EFCAB8: variants seen among roughly 807,000 people sequenced by gnomAD.
EFCAB8 encodes EF-hand calcium-binding domain-containing protein 8.
EFCAB8 carries 100 observed loss-of-function variants against 116.3 expected under a neutral mutation model. That is an observed-to-expected ratio of 0.86 (90% CI 0.73 to 1.02). The LOEUF (loss-of-function observed/expected upper bound fraction) is 1.02. Ranked by LOEUF, EFCAB8 falls within the 50% of genes least tolerant of loss-of-function variation. The pLI is 0.00. For missense variants in EFCAB8, 1,320 were observed against 1,416.9 expected, an observed-to-expected ratio of 0.93 and a Z score of 1.10; for synonymous variants, 558 against 567.9, an observed-to-expected ratio of 0.98 and a Z score of 0.25.
In EFCAB8 at chr20:32,930,583, C is replaced by A; in HGVS notation, c.2598C>A (p.Ile866=). 1 of 1,552,280 alleles carries A rather than the reference C, an allele frequency of 6.4e-7. No individual in the cohort carries two copies. Among genetic ancestry groups the A allele is most frequent in the Non-Finnish European group, 8.7e-7 (1 of 1,147,120 alleles). The stretch of plus-strand genomic sequence containing the variant: ...TGGCCACTGATAAAAATGACTGGAT[C>A]CTCATCACGGGGGATTGTAAAGGAT... ...GAMATDKNDW[I]LITGDCKGYI... The change falls in exon 21 of 27, where the codon ATC becomes ATA. Residue 866 remains isoleucine (I), a synonymous_variant. Coordinates refer to ENST00000400522, the MANE Select transcript of EFCAB8 (RefSeq NM_001143967.2).
Position 32,878,786 on chromosome 20 carries a change from T to G in EFCAB8, c.410T>G (p.Leu137Arg), listed in dbSNP as rs895921443. Residue 137 changes from leucine to arginine, a missense_variant, in exon 5 of 27, where the codon CTT becomes CGT. Coordinates refer to ENST00000400522, the MANE Select transcript of EFCAB8 (RefSeq NM_001143967.2). Reference sequence around the variant, plus strand: ...AGCCAGTACCGCCTGCACTTCTACCTTCCCATGACGGTCGTCCCCCTGTAA... The same window carrying G: ...AGCCAGTACCGCCTGCACTTCTACCGTCCCATGACGGTCGTCCCCCTGTAA... Reference protein sequence around the residue: ...RKSQYRLHFYLPMTVVPLNHG... With the variant: ...RKSQYRLHFYRPMTVVPLNHG... 2.6e-5 allele frequency: 41 copies of G among 1,552,020 alleles called. No homozygotes were observed. Among genetic ancestry groups the G allele is most frequent in the Non-Finnish European group, 3.5e-5 (40 of 1,147,062 alleles).
rs929969471 is a variant in EFCAB8, at chr20:32,889,389, C to G, written c.656C>G (p.Ser219Cys). 1.3e-6 allele frequency: 2 copies of G among 1,551,796 alleles called. No individual in the cohort carries two copies. The highest frequency in any genetic ancestry group is 2.7e-5 in the African/African-American group (2 of 73,056). The change falls in exon 7 of 27, where the codon TCT (serine) becomes TGT (cysteine). Residue 219 changes from serine to cysteine, a missense_variant. Coordinates refer to ENST00000400522, the MANE Select transcript of EFCAB8 (RefSeq NM_001143967.2). ...AATATGAACCTCGTTGCAGTTGCGT[C>G]TACCAGGCAAAAGATAGGTGAGTCC... ...LHNMNLVAVA[S>C]TRQKIDFFDI...
chr20:32,887,570 G>A (rs552981678), intron 6 of EFCAB8, among the ~76,000 whole-genome samples: 23 of 152,324 alleles, frequency 1.5e-4, no homozygotes, highest in East Asian at 7.7e-4. Context: ...GCGAGACTCC[G>A]TCTCAATAAA....
intron 20 of EFCAB8, among the ~76,000 whole-genome samples, chr20:32,927,624 C>T (rs899977108): frequency 4.6e-5 from 7 of 152,096 alleles, no homozygotes; most frequent in Admixed American, 1.3e-4. Flanking sequence ...GGATTAGAGG[C>T]GAGAGCCACC....
intron 16 of EFCAB8, among the ~76,000 whole-genome samples, chr20:32,912,253 A>G (rs187409690): frequency 1.7e-4 from 26 of 152,090 alleles, no homozygotes; most frequent in African/African-American, 5.3e-4. Flanking sequence ...CCTGGCTAAT[A>G]TGGTGAAACT....
chr20:32,931,614 G>T (rs148356022), intron 22 of EFCAB8, among the ~76,000 whole-genome samples: 4 of 152,030 alleles, frequency 2.6e-5, no homozygotes, highest in African/African-American at 9.7e-5. Context: ...AAAATTAGCC[G>T]AGTGTGGTGG....
intron 4 of EFCAB8, among the ~76,000 whole-genome samples, chr20:32,877,730 G>A (rs1282755311): frequency 6.6e-6 from 1 of 152,230 alleles, no homozygotes; most frequent in South Asian, 2.1e-4. Context: ...GTGGAATGGA[G>A]TCTGGAGTTG....
chr20:32,892,353 C>G, intron 8 of EFCAB8, 56 bp downstream of exon 8: 1 of 1,509,500 alleles, frequency 6.6e-7, no homozygotes, highest in Non-Finnish European at 9.0e-7. Context: ...CCTCCTGCAG[C>G]AGCCGCATCA....
At chr20:32,921,613 A>C (rs982966361) in intron 20 of EFCAB8, among the ~76,000 whole-genome samples, 1 of 152,124 alleles carries the variant, frequency 6.6e-6, no homozygotes, top group Non-Finnish European at 1.5e-5. Flanking sequence ...AAAAATAAAA[A>C]TAAAAGTCCC....
Position 32,917,478 on chromosome 20 carries a change from G to T in EFCAB8, c.2034G>T (p.Arg678Ser), listed in dbSNP as rs1419814462. 3 of 1,550,408 alleles carry T rather than the reference G, an allele frequency of 1.9e-6. No individual in the cohort carries two copies. The Admixed American group carries it at 5.9e-5, about 30-fold the overall frequency. The change falls in exon 18 of 27, where the codon AGG becomes AGT. Residue 678 changes from arginine (R) to serine (S), a missense_variant. Transcript: ENST00000400522. ...LKPIFNFNAS[R>S]SPSPLQPKRV... ...CCATCTTCAACTTCAATGCCTCTAG[G>T]AGCCCCTCGCCCTTGCAGCCCAAGA...
intron 16 of EFCAB8, 89 bp downstream of exon 16, chr20:32,911,796 A>G: frequency 7.6e-7 from 1 of 1,307,734 alleles, no homozygotes; most frequent in African/African-American, 1.5e-5. Context: ...TATTTTTTGT[A>G]CCTCTCTGAA....
intron 20 of EFCAB8, among the ~76,000 whole-genome samples, chr20:32,926,363 T>A (rs1034720471): frequency 6.6e-6 from 1 of 152,194 alleles, no homozygotes; most frequent in Non-Finnish European, 1.5e-5. Context: ...ACGTTAAATT[T>A]TTTTTTATGG....
chr20:32,954,994 T>C (rs575594692), intron 23 of EFCAB8, among the ~76,000 whole-genome samples: 1 of 84,334 alleles, frequency 1.2e-5, no homozygotes, highest in Non-Finnish European at 2.3e-5. Flanking sequence ...CAAAACCTTC[T>C]TGGTCCTGGA....
intron 5 of EFCAB8, among the ~76,000 whole-genome samples, chr20:32,884,512 A>G (rs1424167316): frequency 6.6e-6 from 1 of 152,208 alleles, no homozygotes; most frequent in Non-Finnish European, 1.5e-5. Flanking sequence ...TGAGGATAGG[A>G]GAGAGGAGAA....
Position 32,875,987 on chromosome 20 carries a change from G to A in EFCAB8, c.270G>A (p.Glu90=), listed in dbSNP as rs748877545. The A allele has an allele frequency of 3.2e-6, 5 of 1,552,248 alleles. No homozygotes were observed. In the South Asian group the frequency reaches 3.6e-5, roughly 11 times the overall value. ...MKKVLSSVSD[E]MLKELFLKVD... ...AGGTTCTGAGCAGTGTGTCGGACGA[G>A]ATGCTAAAGGAGCTGTTTTTGAAGG... Residue 90 remains glutamate (E), a synonymous_variant, in exon 4 of 27, where the codon GAG becomes GAA. Transcript: ENST00000400522.
intron 22 of EFCAB8, among the ~76,000 whole-genome samples, chr20:32,940,038 T>TTCCC (rs1988353702): frequency 1.9e-5 from 1 of 53,982 alleles, no homozygotes; most frequent in South Asian, 6.0e-4. Context: ...CCTTCCTTCC[T>TTCCC]TCCTTCCTTC....
At chr20:32,945,508 G>T (rs1988564952) in intron 23 of EFCAB8, among the ~76,000 whole-genome samples, 1 of 152,052 alleles carries the variant, frequency 6.6e-6, no homozygotes, top group African/African-American at 2.4e-5. Context: ...TTCTCAGTTT[G>T]TTCATGTATT....
intron 5 of EFCAB8, among the ~76,000 whole-genome samples, chr20:32,883,265 A>G (rs1985434126): frequency 6.6e-6 from 1 of 152,240 alleles, no homozygotes; most frequent in Admixed American, 6.5e-5. Context: ...GGGTAGCTTC[A>G]GTTAATGTCC....
chr20:32,931,089 T>A, intron 21 of EFCAB8, 89 bp from the exon 22 acceptor site: 1 of 1,145,208 alleles, frequency 8.7e-7, no homozygotes, highest in Non-Finnish European at 1.2e-6. Flanking sequence ...CCCCACCAAA[T>A]GAAGAGGAAT....
Sources: gnomAD v4.1 joint callset for allele counts (sites outside exome capture counted in the v4.1 genomes callset) on GRCh38, gnomAD v4.1.1 for gene constraint, MANE v1.5 for transcripts, NCBI Gene and HGNC (gene_info 2026-07-23, HGNC 2026-07-21) for gene names.